Variants in VPS41 observed in about 807,000 individuals in gnomAD.
VPS41 encodes the protein vacuolar protein sorting-associated protein 41 homolog.
A neutral mutation model predicts 130.9 loss-of-function variants in VPS41; 85 were observed. The ratio of observed to expected loss-of-function variants is 0.65; its 90% CI spans 0.55 to 0.78. VPS41 has a LOEUF of 0.78. Among genes scored for constraint, VPS41 ranks in the 30% least tolerant of loss-of-function variants. VPS41 has a pLI of 0.00. For missense variants in VPS41, 874 were observed against 1,018.7 expected (o/e 0.86, Z 1.93); for synonymous variants, 335 against 332.9 (o/e 1.01, Z -0.07).
At chr7:38,868,812 T>C (rs1786283329) in intron 3 of VPS41, among the ~76,000 whole-genome samples, 1 of 152,234 alleles carries the variant, frequency 6.6e-6, no homozygotes, top group Non-Finnish European at 1.5e-5. Context: ...CTTCCCATTA[T>C]TTCTAATCTT....
At chr7:38,741,272 G>A (rs1795874193) in intron 25 of VPS41, 3 of 301,528 alleles carry the variant, frequency 9.9e-6, no homozygotes, top group Admixed American at 5.4e-5. Context: ...ATTAGAGGAA[G>A]AACAACAGTC....
intron 27 of VPS41, 72 bp from the exon 28 acceptor site, chr7:38,727,060 G>C (rs542842626): frequency 1.3e-4 from 182 of 1,354,068 alleles, no homozygotes; most frequent in Middle Eastern, 4.8e-4. Context: ...AATCCCGACT[G>C]AAAGTCGAGT....
chr7:38,780,831 T>C (rs1429350332), intron 10 of VPS41, among the ~76,000 whole-genome samples: 1 of 152,176 alleles, frequency 6.6e-6, no homozygotes, highest in Non-Finnish European at 1.5e-5. Flanking sequence ...GAATGGTCAT[T>C]TCTCATGACT....
chr7:38,811,147 A>C (rs1347263451), intron 7 of VPS41, among the ~76,000 whole-genome samples: 1 of 152,144 alleles, frequency 6.6e-6, no homozygotes, highest in Non-Finnish European at 1.5e-5. Flanking sequence ...TTCTTAATGA[A>C]ATTAGAAAAA....
At chr7:38,904,417 T>C (rs1441841520) in intron 1 of VPS41, among the ~76,000 whole-genome samples, 2 of 151,618 alleles carry the variant, frequency 1.3e-5, no homozygotes, top group East Asian at 3.9e-4. Flanking sequence ...ATCTGTCTGA[T>C]TCTATACTTT....
chr7:38,880,355 C>T (rs1260526600), intron 2 of VPS41, among the ~76,000 whole-genome samples: 1 of 152,050 alleles, frequency 6.6e-6, no homozygotes, highest in Non-Finnish European at 1.5e-5. Flanking sequence ...TTTACCACAT[C>T]ATTTAAAAAA....
At chr7:38,788,252 T>G (rs1784473987) in intron 10 of VPS41, among the ~76,000 whole-genome samples, 1 of 152,212 alleles carries the variant, frequency 6.6e-6, no homozygotes, top group Non-Finnish European at 1.5e-5. Context: ...TTCAGCAAAC[T>G]TCCTTGCCTC....
chr7:38,852,279 C>A (rs914632434), intron 4 of VPS41, among the ~76,000 whole-genome samples: 1 of 152,144 alleles, frequency 6.6e-6, no homozygotes, highest in Admixed American at 6.5e-5. Context: ...TCAGACCTCC[C>A]GGCATCACCT....
intron 5 of VPS41, among the ~76,000 whole-genome samples, chr7:38,823,066 A>G (rs1215964054): frequency 1.3e-5 from 2 of 152,146 alleles, no homozygotes; most frequent in Non-Finnish European, 2.9e-5. Context: ...GTCTGAATGT[A>G]TGTGTTCTCC....
At chr7:38,899,219 T>C (rs564922185) in intron 1 of VPS41, among the ~76,000 whole-genome samples, 1 of 152,340 alleles carries the variant, frequency 6.6e-6, no homozygotes, top group Non-Finnish European at 1.5e-5. Flanking sequence ...GATATGTTCC[T>C]TGTAATTAAG....
intron 7 of VPS41, among the ~76,000 whole-genome samples, chr7:38,817,015 C>T (rs1205355586): frequency 6.6e-6 from 1 of 152,146 alleles, no homozygotes; most frequent in African/African-American, 2.4e-5. Context: ...ATGTTGGAAT[C>T]ATAGGAGTGA....
intron 4 of VPS41, among the ~76,000 whole-genome samples, chr7:38,854,589 G>T (rs1438116523): frequency 6.6e-6 from 1 of 152,082 alleles, no homozygotes; most frequent in Admixed American, 6.5e-5. Context: ...CAATAATCCT[G>T]ATATGGGAGA....
chr7:38,787,037 G>A (rs1267497511), intron 10 of VPS41, among the ~76,000 whole-genome samples: 1 of 152,158 alleles, frequency 6.6e-6, no homozygotes, highest in African/African-American at 2.4e-5. Flanking sequence ...CACAGTATAT[G>A]ATCAATGAAG....
chr7:38,801,510 A>G (rs1418492366), intron 7 of VPS41, among the ~76,000 whole-genome samples: 1 of 152,238 alleles, frequency 6.6e-6, no homozygotes, highest in Non-Finnish European at 1.5e-5. Flanking sequence ...CATCATAAAC[A>G]TACTAAGGAA....
chr7:38,812,542 G>C (rs1183340116), intron 7 of VPS41, among the ~76,000 whole-genome samples: 1 of 152,040 alleles, frequency 6.6e-6, no homozygotes, highest in Non-Finnish European at 1.5e-5. Flanking sequence ...TAAGATAAAT[G>C]TGACTTTATT....
chr7:38,756,881 G>C lies in VPS41; in HGVS notation c.1652C>G (p.Ser551Cys), dbSNP rs756192335. The change falls in exon 19 of 29, where the codon TCT becomes TGT. Residue 551 changes from serine to cysteine, a missense_variant. By Grantham distance (112) the Ser-to-Cys change is moderately radical. Coordinates refer to ENST00000310301, the MANE Select transcript of VPS41 (RefSeq NM_014396.4). ...QLIHKHNLFS[S>C]IKDKIVLLMD... ...TAATAAAACAATTTTATCCTTGATA[G>C]AACTGAAAAGATTATGCTTGTGGAT... 1.3e-6 allele frequency: 2 copies of C among 1,595,564 alleles called. No individual in the cohort carries two copies. Among genetic ancestry groups the C allele is most frequent in the South Asian group, 1.1e-5 (1 of 90,320 alleles).
intron 18 of VPS41, among the ~76,000 whole-genome samples, chr7:38,757,330 C>T (rs1249424479): frequency 6.6e-6 from 1 of 152,130 alleles, no homozygotes; most frequent in Non-Finnish European, 1.5e-5. Context: ...GTAACAGAAA[C>T]ATCCGTTCCA....
intron 2 of VPS41, among the ~76,000 whole-genome samples, chr7:38,881,546 G>T (rs1786608834): frequency 6.6e-6 from 1 of 152,078 alleles, no homozygotes; most frequent in African/African-American, 2.4e-5. Flanking sequence ...GATCAGAGAG[G>T]ATAAAAATGA....
chr7:38,804,389 T>A (rs1784796716), intron 7 of VPS41, among the ~76,000 whole-genome samples: 1 of 152,222 alleles, frequency 6.6e-6, no homozygotes, highest in African/African-American at 2.4e-5. Flanking sequence ...TGTATCCATG[T>A]GTTCTCATCA....
Sources: gnomAD v4.1 joint callset for allele counts (sites outside exome capture counted in the v4.1 genomes callset) on GRCh38, gnomAD v4.1.1 for gene constraint, MANE v1.5 for transcripts, NCBI Gene and HGNC (gene_info 2026-07-23, HGNC 2026-07-21) for gene names.